Variants in GHR observed in about 807,000 individuals in gnomAD.
GHR encodes the protein GH receptor.
A neutral mutation model predicts 67.1 loss-of-function variants in GHR; 35 were observed. The observed-to-expected ratio is 0.52, with a 90% CI of 0.40 to 0.69. GHR has a LOEUF of 0.69. Ranked by LOEUF, GHR falls within the 30% of genes least tolerant of loss-of-function variation. The probability of loss-of-function intolerance (pLI) is 0.00; values close to 1 mark genes in which losing one functional copy is unlikely to be tolerated. For synonymous variants in GHR, 272 were observed against 269.1 expected, an observed-to-expected ratio of 1.01 and a Z score of -0.10; for missense variants, 792 against 764.6, an observed-to-expected ratio of 1.04 and a Z score of -0.42.
chr5:42,471,798 A>G (rs1444265358), intron 1 of GHR, among the ~76,000 whole-genome samples: 1 of 152,240 alleles, frequency 6.6e-6, no homozygotes, highest in Non-Finnish European at 1.5e-5. Flanking sequence ...GAGTTTTTCT[A>G]AAGTAACAGA....
chr5:42,644,552 T>A lies in GHR; in HGVS notation c.136+15449T>A, dbSNP rs144980992. Among the ~76,000 whole-genome samples the A allele has an allele frequency of 1.2e-3, 185 of 152,252 alleles. 2 individuals are homozygous for A. Among genetic ancestry groups the A allele is most frequent in the Admixed American group, 0.011 (173 of 15,282 alleles). ...ATCAAACAAATTAACTGTCAAAAGA[T>A]GTCTTTTGAAACATGATGGGAAATT... On this transcript the variant is annotated intron_variant, in intron 3 of 9. Coordinates refer to ENST00000230882, the MANE Select transcript of GHR (RefSeq NM_000163.5).
At chr5:42,707,618 G>A (rs1436947847) in intron 6 of GHR, among the ~76,000 whole-genome samples, 1 of 151,732 alleles carries the variant, frequency 6.6e-6, no homozygotes, top group African/African-American at 2.4e-5. Flanking sequence ...TGCGTTATCT[G>A]TCATTTTCTT....
At chr5:42,577,582 C>T (rs1483670123) in intron 2 of GHR, among the ~76,000 whole-genome samples, 2 of 152,124 alleles carry the variant, frequency 1.3e-5, no homozygotes, top group African/African-American at 2.4e-5. Flanking sequence ...AATGAACTTG[C>T]TAGTTTTGAT....
intron 6 of GHR, among the ~76,000 whole-genome samples, chr5:42,702,958 G>T (rs1717281062): frequency 6.6e-6 from 1 of 151,866 alleles, no homozygotes; most frequent in Non-Finnish European, 1.5e-5. Context: ...ATTTCAGATA[G>T]TAACTTCTTA....
chr5:42,605,521 C>G (rs1158884754), intron 2 of GHR, among the ~76,000 whole-genome samples: 1 of 152,162 alleles, frequency 6.6e-6, no homozygotes. Context: ...ACCTGTCCCT[C>G]AAGAAGCAGC....
At chr5:42,577,053 C>A (rs1379642468) in intron 2 of GHR, among the ~76,000 whole-genome samples, 2 of 152,086 alleles carry the variant, frequency 1.3e-5, no homozygotes, top group Non-Finnish European at 2.9e-5. Context: ...ATACTTTAGG[C>A]CAATTACAAT....
At position 42,460,835 on chromosome 5, in the gene GHR, C is replaced by T. The variant is rs939257389; in HGVS notation, c.-12+36880C>T. On this transcript the variant is annotated intron_variant, in intron 1 of 9. Coordinates refer to ENST00000230882, the MANE Select transcript of GHR (RefSeq NM_000163.5). ...TGTCAGTAAGGAAATAGTTATCTTTCGTTGTTAATCAATGAAGACCAGTTG... is the reference window on the plus strand; with the variant it reads ...TGTCAGTAAGGAAATAGTTATCTTTTGTTGTTAATCAATGAAGACCAGTTG... Among the ~76,000 whole-genome samples, 4 of 152,216 alleles carry T rather than the reference C, an allele frequency of 2.6e-5. No individual in the cohort carries two copies. The South Asian group carries it at 8.3e-4, about 32-fold the overall frequency.
chr5:42,467,807 G>T (rs1744802965), intron 1 of GHR: 1 of 1,410,596 alleles, frequency 7.1e-7, no homozygotes, highest in Non-Finnish European at 9.8e-7. Context: ...CAATGTAAAA[G>T]ACTTTCGCCC....
At chr5:42,475,776 TC>T (rs1446492305) in intron 1 of GHR, among the ~76,000 whole-genome samples, 5 of 152,140 alleles carry the variant, frequency 3.3e-5, no homozygotes, top group African/African-American at 1.2e-4. Context: ...TAAATTGGAA[TC>T]CATAATCCCA....
chr5:42,653,310 G>T (rs1755097898), intron 3 of GHR, among the ~76,000 whole-genome samples: 1 of 152,042 alleles, frequency 6.6e-6, no homozygotes, highest in Non-Finnish European at 1.5e-5. Flanking sequence ...GGAATCTCAG[G>T]CTGCAAGATA....
intron 2 of GHR, among the ~76,000 whole-genome samples, chr5:42,568,269 G>C (rs979757860): frequency 6.6e-6 from 1 of 152,124 alleles, no homozygotes; most frequent in Non-Finnish European, 1.5e-5. Context: ...AATTTAATGA[G>C]AACTAAATTT....
chr5:42,440,410 A>G (rs1579701925), intron 1 of GHR, among the ~76,000 whole-genome samples: 1 of 152,322 alleles, frequency 6.6e-6, no homozygotes, highest in East Asian at 1.9e-4. Flanking sequence ...AATAGGATCC[A>G]GGAAGATACT....
chr5:42,634,519 T>C (rs890970435), intron 3 of GHR, among the ~76,000 whole-genome samples: 57 of 121,980 alleles, frequency 4.7e-4, no homozygotes, highest in African/African-American at 2.2e-3. Flanking sequence ...TTATTGAATT[T>C]TGCACACACA....
At chr5:42,477,715 CT>C in intron 1 of GHR, among the ~76,000 whole-genome samples, 1 of 152,270 alleles carries the variant, frequency 6.6e-6, no homozygotes, top group South Asian at 2.1e-4. Context: ...CCCTCACCCA[CT>C]TTTTGATGGG....
intron 2 of GHR, among the ~76,000 whole-genome samples, chr5:42,603,024 A>G (rs550939048): frequency 1.9e-4 from 29 of 152,222 alleles, no homozygotes; most frequent in Middle Eastern, 3.4e-3. Flanking sequence ...GGCATTTCTT[A>G]TAAGGCAAAT....
intron 2 of GHR, among the ~76,000 whole-genome samples, chr5:42,610,747 A>G (rs1160725763): frequency 1.3e-5 from 2 of 152,096 alleles, no homozygotes; most frequent in African/African-American, 4.8e-5. Flanking sequence ...AGGGAGGGAA[A>G]GTCTTAGACA....
Position 42,719,119 on chromosome 5 carries a change from G to A in GHR, c.1612G>A (p.Ala538Thr), listed in dbSNP as rs1758884963. The change falls in exon 10 of 10, where the codon GCA (alanine) becomes ACA (threonine). Residue 538 changes from alanine to threonine, a missense_variant. Coordinates refer to ENST00000230882, the MANE Select transcript of GHR (RefSeq NM_000163.5). Reference sequence around the variant, plus strand: ...TATGGACAATGCCTACTTCTGTGAGGCAGATGCCAAAAAGTGCATCCCTGT... The same window carrying A: ...TATGGACAATGCCTACTTCTGTGAGACAGATGCCAAAAAGTGCATCCCTGT... ...FLMDNAYFCE[A>T]DAKKCIPVAP... The A allele has an allele frequency of 6.2e-7, 1 of 1,613,942 alleles. No homozygotes were observed. The highest frequency in any genetic ancestry group is 8.5e-7 in the Non-Finnish European group (1 of 1,179,966).
Position 42,719,199 on chromosome 5 carries a change from C to A in GHR, c.1692C>A (p.Asp564Glu), listed in dbSNP as rs1176485395. ...SHIQPSLNQE[D>E]IYITTESLTT... ...TACAGCCAAGCTTAAACCAAGAGGA[C>A]ATTTACATCACCACAGAAAGCCTTA... The change falls in exon 10 of 10, where the codon GAC becomes GAA. Residue 564 changes from aspartate to glutamate, a missense_variant. Transcript: ENST00000230882. The A allele has an allele frequency of 1.9e-6, 3 of 1,614,076 alleles. No individual in the cohort carries two copies. The highest frequency in any genetic ancestry group is 1.6e-4 in the Middle Eastern group (1 of 6,062).
intron 2 of GHR, among the ~76,000 whole-genome samples, chr5:42,586,900 G>T (rs1032403451): frequency 6.6e-5 from 10 of 152,136 alleles, no homozygotes; most frequent in African/African-American, 2.4e-4. Flanking sequence ...TGGAGAAATG[G>T]TTTATAAATA....
Sources: gnomAD v4.1 joint callset for allele counts (sites outside exome capture counted in the v4.1 genomes callset) on GRCh38, gnomAD v4.1.1 for gene constraint, MANE v1.5 for transcripts, NCBI Gene and HGNC (gene_info 2026-07-23, HGNC 2026-07-21) for gene names.